RGSL1: variants seen among roughly 807,000 people sequenced by gnomAD.
RGSL1 encodes the protein regulator of G protein signaling like 1, also known as regulator of G protein signaling protein-like.
RGSL1 carries 97 observed loss-of-function variants against 124.7 expected under a neutral mutation model. That is an observed-to-expected ratio of 0.78 (90% CI 0.66 to 0.92). The LOEUF is 0.92. Among genes scored for constraint, RGSL1 ranks in the 40% least tolerant of loss-of-function variants. The pLI, the probability that RGSL1 is intolerant of heterozygous loss-of-function variation, is 0.00. For synonymous variants in RGSL1, 424 were observed against 438.1 expected, an observed-to-expected ratio of 0.97 and a Z score of 0.40; for missense variants, 1,233 against 1,288.4, an observed-to-expected ratio of 0.96 and a Z score of 0.66.
chr1:182,542,986 T>C (rs1204579354), intron 15 of RGSL1, among the ~76,000 whole-genome samples: 1 of 152,170 alleles, frequency 6.6e-6, no homozygotes, highest in Non-Finnish European at 1.5e-5. Context: ...TAAGATTATG[T>C]CAGCTGTGAA....
At chr1:182,546,832 C>T (rs368795684) in intron 15 of RGSL1, among the ~76,000 whole-genome samples, 1 of 152,286 alleles carries the variant, frequency 6.6e-6, no homozygotes, top group African/African-American at 2.4e-5. Flanking sequence ...ATTATAGTTA[C>T]TAATTATCTT....
chr1:182,448,598 C>T (rs1054425741), upstream of RGSL1, among the ~76,000 whole-genome samples: 1 of 152,108 alleles, frequency 6.6e-6, no homozygotes, highest in African/African-American at 2.4e-5. Flanking sequence ...TCCTGAGCCC[C>T]ACCCCTTCTA....
At chr1:182,450,073 G>A (rs1425516542), upstream of RGSL1, 8 of 1,432,142 alleles carry the variant, frequency 5.6e-6, no homozygotes, top group African/African-American at 1.4e-5. Flanking sequence ...CCTTAGAGAA[G>A]GTGTCATTAC....
In RGSL1 at chr1:182,493,105, T is replaced by C; in HGVS notation, c.1801T>C (p.Tyr601His). ...GAAGATCAGTGATGACTACAAAATA[T>C]ACTGTGAGAAAGCACCTAAAATAGG... Reference protein sequence around the residue: ...IQKISDDYKIYCEKAPKIDFK... With the variant: ...IQKISDDYKIHCEKAPKIDFK... The change falls in exon 9 of 22, where the codon TAC (tyrosine) becomes CAC (histidine). Residue 601 changes from tyrosine (Y) to histidine (H), a missense_variant. Coordinates refer to ENST00000294854, the MANE Select transcript of RGSL1 (RefSeq NM_001137669.2). The C allele has an allele frequency of 6.4e-7, 1 of 1,551,266 alleles. No homozygotes were observed. Among genetic ancestry groups the C allele is most frequent in the Non-Finnish European group, 8.7e-7 (1 of 1,146,594 alleles).
In RGSL1 at chr1:182,530,916, T is replaced by G; in HGVS notation, c.2364+6T>G. On this transcript the variant is annotated splice_donor_region_variant and intron_variant, in intron 13 of 21. Transcript: ENST00000294854. ...CTTACCTACAGGAATCCCAGGTTAG[T>G]GAAGAAGAAAGTGAAACAAGACATT... The G allele has an allele frequency of 1.9e-6, 3 of 1,544,796 alleles. No homozygotes were observed. Among genetic ancestry groups the G allele is most frequent in the Non-Finnish European group, 2.6e-6 (3 of 1,144,512 alleles).
chr1:182,455,703 T>C (rs912657961), intron 2 of RGSL1, among the ~76,000 whole-genome samples: 1 of 152,174 alleles, frequency 6.6e-6, no homozygotes, highest in African/African-American at 2.4e-5. Context: ...ACACAATCCT[T>C]TGACACTTTG....
At chr1:182,472,985 A>G (rs573826145) in intron 5 of RGSL1, among the ~76,000 whole-genome samples, 20 of 152,358 alleles carry the variant, frequency 1.3e-4, no homozygotes, top group African/African-American at 4.6e-4. Flanking sequence ...TGTGATTTAC[A>G]AAGCCAAAAT....
At chr1:182,537,456 A>G (rs1342674362) in intron 14 of RGSL1, among the ~76,000 whole-genome samples, 1 of 152,176 alleles carries the variant, frequency 6.6e-6, no homozygotes, top group Non-Finnish European at 1.5e-5. Context: ...AGTATATTCA[A>G]CCCATAGTAT....
intron 6 of RGSL1, among the ~76,000 whole-genome samples, chr1:182,481,794 A>T (rs137955501): frequency 1.7e-3 from 266 of 152,290 alleles, no homozygotes; most frequent in Non-Finnish European, 3.0e-3. Context: ...AGCCTAGGCA[A>T]CATGACAAAA....
chr1:182,450,416 G>A (rs1337645815), intron 1 of RGSL1: 4 of 571,760 alleles, frequency 7.0e-6, no homozygotes, highest in Non-Finnish European at 1.3e-5. Context: ...CAAGAGGGAG[G>A]AAGTAAAATG....
intron 9 of RGSL1, among the ~76,000 whole-genome samples, chr1:182,521,108 T>C (rs1398164987): frequency 6.6e-6 from 1 of 152,206 alleles, no homozygotes; most frequent in Non-Finnish European, 1.5e-5. Flanking sequence ...CTTACTCTGT[T>C]GACCAGGCTG....
At chr1:182,554,734 G>T in intron 20 of RGSL1, 41 bp downstream of exon 20, 1 of 1,538,528 alleles carries the variant, frequency 6.5e-7, no homozygotes, top group Non-Finnish European at 8.8e-7. Context: ...GTCCAGAGCT[G>T]CTATGTCCAA....
intron 18 of RGSL1, 68 bp from the exon 19 acceptor site, chr1:182,553,387 C>T (rs1249826468): frequency 1.7e-6 from 2 of 1,196,092 alleles, no homozygotes; most frequent in African/African-American, 1.5e-5. Context: ...TTATTGCTTA[C>T]TTAGAGAGAT....
chr1:182,506,105 G>C (rs1656788887), intron 9 of RGSL1, among the ~76,000 whole-genome samples: 1 of 152,000 alleles, frequency 6.6e-6, no homozygotes, highest in African/African-American at 2.4e-5. Context: ...AAATATATAG[G>C]ACTGCTTAGA....
chr1:182,473,496 A>G (rs1654015530), intron 5 of RGSL1, 79 bp from the exon 6 acceptor site: 2 of 1,428,166 alleles, frequency 1.4e-6, no homozygotes, highest in African/African-American at 2.9e-5. Flanking sequence ...ATTTGAAAAA[A>G]ATTAAAAACC....
At chr1:182,495,058 C>T (rs750996795) in intron 9 of RGSL1, among the ~76,000 whole-genome samples, 3 of 152,234 alleles carry the variant, frequency 2.0e-5, no homozygotes, top group Non-Finnish European at 2.9e-5. Flanking sequence ...TGAATTGCTG[C>T]TCTTTCCAGA....
chr1:182,495,762 A>G (rs1558308268), intron 9 of RGSL1, among the ~76,000 whole-genome samples: 1 of 152,154 alleles, frequency 6.6e-6, no homozygotes. Context: ...GCTGGTCATC[A>G]ATGTGACCAG....
chr1:182,471,287 A>G (rs1321269457), intron 4 of RGSL1: 2 of 457,360 alleles, frequency 4.4e-6, no homozygotes, highest in Non-Finnish European at 8.8e-6. Context: ...GGCAGCCAAG[A>G]TGATGAGATG....
chr1:182,471,089 A>G (rs536175091), intron 4 of RGSL1, among the ~76,000 whole-genome samples: 52 of 152,302 alleles, frequency 3.4e-4, no homozygotes, highest in African/African-American at 1.1e-3. Context: ...GGTCCCTCCC[A>G]TGAACCTTAA....
Sources: gnomAD v4.1 joint callset for allele counts (sites outside exome capture counted in the v4.1 genomes callset) on GRCh38, gnomAD v4.1.1 for gene constraint, MANE v1.5 for transcripts, NCBI Gene and HGNC (gene_info 2026-07-23, HGNC 2026-07-21) for gene names.